Variants in SYT1 observed in about 807,000 individuals in gnomAD.
The protein encoded by SYT1 is synaptotagmin-1.
SYT1 carries 8 observed loss-of-function variants against 44.8 expected under a neutral mutation model. That is an observed-to-expected ratio of 0.18 (90% CI 0.10 to 0.32). The LOEUF (loss-of-function observed/expected upper bound fraction) is 0.32, where lower values mean the gene tolerates loss of function less well. Ranked by LOEUF, SYT1 falls within the 10% of genes least tolerant of loss-of-function variation. The pLI, the probability that SYT1 is intolerant of heterozygous loss-of-function variation, is 1.00. For synonymous variants in SYT1, 154 were observed against 188.8 expected (o/e 0.82, Z 1.51); for missense variants, 286 against 509.3 (o/e 0.56, Z 4.22).
At chr12:79,421,302 A>G (rs1186478821) in intron 9 of SYT1, among the ~76,000 whole-genome samples, 3 of 152,170 alleles carry the variant, frequency 2.0e-5, no homozygotes, top group African/African-American at 7.2e-5. Flanking sequence ...ACTTCCTCCA[A>G]ATGAGATCTG....
chr12:78,991,706 T>A (rs1383068389), intron 2 of SYT1, among the ~76,000 whole-genome samples: 1 of 152,176 alleles, frequency 6.6e-6, no homozygotes, highest in Non-Finnish European at 1.5e-5. Flanking sequence ...ACTCAAACAT[T>A]CAGCCTTGCC....
chr12:79,208,014 A>T (rs185526874), intron 3 of SYT1, among the ~76,000 whole-genome samples: 188 of 152,274 alleles, frequency 1.2e-3, no homozygotes, highest in African/African-American at 4.4e-3. Context: ...TTTAACACAA[A>T]CATTTGCCTT....
chr12:78,975,319 TC>T (rs1868743538), intron 1 of SYT1, among the ~76,000 whole-genome samples: 1 of 152,186 alleles, frequency 6.6e-6, no homozygotes, highest in Non-Finnish European at 1.5e-5. Context: ...GATTGCAAGT[TC>T]TGCAGGACGA....
chr12:78,974,682 C>A (rs1868686555), intron 1 of SYT1, among the ~76,000 whole-genome samples: 1 of 152,022 alleles, frequency 6.6e-6, no homozygotes, highest in South Asian at 2.1e-4. Flanking sequence ...GTGATCCGCC[C>A]GCCTCAGCCT....
chr12:79,227,815 TC>T (rs1345619367), intron 4 of SYT1, among the ~76,000 whole-genome samples: 1 of 152,160 alleles, frequency 6.6e-6, no homozygotes, highest in Non-Finnish European at 1.5e-5. Context: ...GAATAAGCGC[TC>T]TATAAATGGT....
In SYT1 at chr12:78,939,619, A is replaced by G. The variant is rs184333465; in HGVS notation, c.-216-38180A>G. ...TCCAGGAGAAACTAGATCTAGTTTA[A>G]ACTAACTTCCACACAGATACTTGAG... is the stretch of plus-strand genomic sequence containing the variant. On this transcript the variant is annotated intron_variant, in intron 1 of 10. Transcript: ENST00000261205. 1.3e-3 allele frequency among the ~76,000 whole-genome samples: 202 copies of G among 152,302 alleles called. 2 individuals are homozygous for G. Among genetic ancestry groups the G allele is most frequent in the African/African-American group, 4.6e-3 (193 of 41,566 alleles).
chr12:78,904,561 A>C (rs1875852455), intron 1 of SYT1, among the ~76,000 whole-genome samples: 1 of 152,110 alleles, frequency 6.6e-6, no homozygotes, highest in Admixed American at 6.6e-5. Flanking sequence ...ACGTAAGTCA[A>C]CCTGAAACAC....
chr12:78,906,452 A>C (rs757076364), intron 1 of SYT1, among the ~76,000 whole-genome samples: 1 of 152,150 alleles, frequency 6.6e-6, no homozygotes, highest in Non-Finnish European at 1.5e-5. Flanking sequence ...TTATGGGATA[A>C]TAGAGAGAAG....
intron 1 of SYT1, among the ~76,000 whole-genome samples, chr12:78,931,427 GGAAGGAAA>G (rs1877741167): frequency 7.3e-6 from 1 of 136,932 alleles, no homozygotes. Context: ...AAGGAAGGAA[GGAAGGAAA>G]AGAAAGAAAT....
intron 9 of SYT1, among the ~76,000 whole-genome samples, chr12:79,375,378 G>A (rs756335620): frequency 5.3e-5 from 8 of 152,210 alleles, no homozygotes; most frequent in Non-Finnish European, 1.0e-4. Flanking sequence ...AAAACAGATC[G>A]TGTAGTGTAG....
intron 1 of SYT1, among the ~76,000 whole-genome samples, chr12:78,941,065 C>CTTTTTTTTTTTTTTTT (rs398044555): frequency 1.0e-4 from 7 of 68,460 alleles, no homozygotes; most frequent in South Asian, 6.4e-4. Context: ...CTTTTTTTTT[C>CTTTTTTTTTTTTTTTT]TTTTTTTTTT....
chr12:79,115,088 A>G (rs906254636), intron 3 of SYT1, among the ~76,000 whole-genome samples: 2 of 152,198 alleles, frequency 1.3e-5, no homozygotes, highest in African/African-American at 4.8e-5. Context: ...ATAAAATAGT[A>G]AATTATCTCC....
chr12:78,876,862 A>ACAT (rs1874170569), intron 1 of SYT1, among the ~76,000 whole-genome samples: 2 of 51,140 alleles, frequency 3.9e-5, no homozygotes, highest in African/African-American at 1.9e-4. Context: ...TATATAATAT[A>ACAT]TATAATATAT....
In SYT1 at chr12:79,145,756, TGTTTG is replaced by T. The variant is rs1565825883; in HGVS notation, c.-17-71746_-17-71742del. Among the ~76,000 whole-genome samples the T allele has an allele frequency of 1.2e-3, 182 of 148,180 alleles. 5 individuals are homozygous for T. The highest frequency in any genetic ancestry group is 4.5e-3 in the African/African-American group (172 of 38,280). ...ATAGTGGTTTTTTTTTTTTTTTGTT[TGTTTG>T]TTTGTTTGTTTTTTGAGACGGAGTC... On this transcript the variant is annotated intron_variant, in intron 3 of 10. Transcript: ENST00000261205.
chr12:79,383,532 T>C (rs1418614400), intron 9 of SYT1, among the ~76,000 whole-genome samples: 2 of 149,306 alleles, frequency 1.3e-5, no homozygotes, highest in African/African-American at 4.9e-5. Context: ...AGTGGGTTTT[T>C]TTCCTAAAAA....
At chr12:79,146,808 C>T (rs549987620) in intron 3 of SYT1, among the ~76,000 whole-genome samples, 5 of 152,032 alleles carry the variant, frequency 3.3e-5, no homozygotes, top group Admixed American at 3.3e-4. Flanking sequence ...AAAGTGTCTA[C>T]AAAGTAAAGG....
intron 6 of SYT1, 60 bp from the exon 7 acceptor site, chr12:79,296,009 C>T (rs143576372): frequency 0.027 from 41,353 of 1,518,832 alleles, 691 homozygotes; most frequent in Non-Finnish European, 0.032. Context: ...GTGAACAAAT[C>T]GATCTTTTCC....
chr12:79,356,737 C>G (rs1038985978), intron 9 of SYT1, among the ~76,000 whole-genome samples: 1 of 152,200 alleles, frequency 6.6e-6, no homozygotes, highest in Non-Finnish European at 1.5e-5. Context: ...TTTAACTCTT[C>G]TAAGCCTCAG....
At chr12:79,346,112 G>A (rs1194725458) in intron 8 of SYT1, among the ~76,000 whole-genome samples, 1 of 152,138 alleles carries the variant, frequency 6.6e-6, no homozygotes, top group Non-Finnish European at 1.5e-5. Flanking sequence ...CATTTGCAAA[G>A]GTCACTAAAA....
Sources: allele counts gnomAD v4.1 joint callset (sites outside exome capture counted in the v4.1 genomes callset), GRCh38; gene constraint gnomAD v4.1.1; transcripts MANE v1.5; gene names NCBI Gene and HGNC (gene_info 2026-07-23, HGNC 2026-07-21).